Variants in RORA observed in about 807,000 individuals in gnomAD.
The protein encoded by RORA is RAR related orphan receptor A, also known as nuclear receptor ROR-alpha.
A neutral mutation model predicts 69.5 loss-of-function variants in RORA; 7 were observed. The observed-to-expected ratio is 0.10, with a 90% CI of 0.06 to 0.19. The LOEUF (loss-of-function observed/expected upper bound fraction) is 0.19. RORA is among the 10% of genes least tolerant of loss of function. The pLI is 1.00. For synonymous variants in RORA, 261 were observed against 240.8 expected (o/e 1.08, Z -0.78); for missense variants, 457 against 663.0 (o/e 0.69, Z 3.41).
intron 1 of RORA, among the ~76,000 whole-genome samples, chr15:61,170,200 C>T (rs537606512): frequency 1.3e-5 from 2 of 151,666 alleles, no homozygotes; most frequent in African/African-American, 4.9e-5. Flanking sequence ...CACAAATCTA[C>T]TAACTGTTCT....
At chr15:60,941,100 C>T (rs1157497154) in intron 1 of RORA, among the ~76,000 whole-genome samples, 2 of 152,182 alleles carry the variant, frequency 1.3e-5, no homozygotes, top group African/African-American at 4.8e-5. Context: ...AATGAGCCAA[C>T]TTTGTGAACC....
chr15:60,588,051 T>C (rs766908459), intron 2 of RORA, among the ~76,000 whole-genome samples: 11 of 152,180 alleles, frequency 7.2e-5, no homozygotes, highest in African/African-American at 1.7e-4. Context: ...TTATCTTCAG[T>C]AGAATAGCTA....
At chr15:61,126,914 G>A (rs1380479823) in intron 1 of RORA, among the ~76,000 whole-genome samples, 3 of 152,182 alleles carry the variant, frequency 2.0e-5, no homozygotes, top group Non-Finnish European at 2.9e-5. Flanking sequence ...AAACAACACT[G>A]CATGCATTTT....
chr15:61,065,452 T>C (rs1277292165), intron 1 of RORA, among the ~76,000 whole-genome samples: 1 of 152,200 alleles, frequency 6.6e-6, no homozygotes, highest in Admixed American at 6.5e-5. Context: ...CACTTCATGA[T>C]GCTTCTATTT....
intron 1 of RORA, among the ~76,000 whole-genome samples, chr15:60,694,442 A>T (rs2140780017): frequency 6.6e-6 from 1 of 152,226 alleles, no homozygotes; most frequent in African/African-American, 2.4e-5. Context: ...TCTTTCACCA[A>T]TAGGCTCTCC....
At chr15:60,747,544 C>A (rs957627313) in intron 1 of RORA, among the ~76,000 whole-genome samples, 1 of 152,204 alleles carries the variant, frequency 6.6e-6, no homozygotes, top group Non-Finnish European at 1.5e-5. Context: ...ATGCTCCAAT[C>A]ACCTGCCAGA....
At position 60,494,748 on chromosome 15, in the gene RORA, C is replaced by T. The variant is rs1457444099; in HGVS notation, c.*2707G>A. 2 of 152,296 alleles carry T rather than the reference C, an allele frequency of 1.3e-5. No homozygotes were observed. Among genetic ancestry groups the T allele is most frequent in the East Asian group, 1.9e-4 (1 of 5,188 alleles). 9.4% of individuals were successfully genotyped at this position (152,296 alleles called of 1,614,324 possible). A position where few individuals can be genotyped will look rare whatever the true frequency, so the allele number is the denominator to read the frequency against. ...ACCGCTGCTTTTCTTTCAGAAACAC[C>T]TGGGAAGAAGCATCATATTACCTAT... is the stretch of plus-strand genomic sequence containing the variant. On this transcript the variant is annotated 3_prime_UTR_variant, in exon 11 of 11. Transcript: ENST00000335670.
chr15:61,140,368 G>C (rs192717545), intron 1 of RORA, among the ~76,000 whole-genome samples: 102 of 152,280 alleles, frequency 6.7e-4, no homozygotes, highest in African/African-American at 2.3e-3. Flanking sequence ...CTGTAGGTGT[G>C]CTTGATTAAT....
chr15:60,890,906 TG>T (rs2073806418), intron 1 of RORA, among the ~76,000 whole-genome samples: 1 of 152,178 alleles, frequency 6.6e-6, no homozygotes, highest in Non-Finnish European at 1.5e-5. Context: ...CTCTCTGAAG[TG>T]CCCAATAGTG....
intron 1 of RORA, among the ~76,000 whole-genome samples, chr15:60,876,103 T>A (rs1247454177): frequency 6.6e-6 from 1 of 152,162 alleles, no homozygotes; most frequent in Non-Finnish European, 1.5e-5. Flanking sequence ...CACACCCTCC[T>A]GAAGTCCCAC....
intron 1 of RORA, among the ~76,000 whole-genome samples, chr15:60,717,188 A>T (rs1352324809): frequency 6.6e-6 from 1 of 152,176 alleles, no homozygotes; most frequent in East Asian, 1.9e-4. Context: ...GGTGTGTGGG[A>T]AAAACTCCCA....
At chr15:60,772,158 T>C (rs1418462431) in intron 1 of RORA, among the ~76,000 whole-genome samples, 1 of 152,150 alleles carries the variant, frequency 6.6e-6, no homozygotes, top group Non-Finnish European at 1.5e-5. Flanking sequence ...GCTGTACCCA[T>C]CAACTCGTCA....
At chr15:60,718,128 G>A (rs1230772465) in intron 1 of RORA, among the ~76,000 whole-genome samples, 1 of 152,172 alleles carries the variant, frequency 6.6e-6, no homozygotes, top group African/African-American at 2.4e-5. Context: ...CTTCGTAACA[G>A]CAAAGTTATG....
chr15:61,099,981 A>T (rs888199930), intron 1 of RORA, among the ~76,000 whole-genome samples: 1 of 152,186 alleles, frequency 6.6e-6, no homozygotes, highest in Admixed American at 6.5e-5. Context: ...ATTTAAAAAG[A>T]AGGAAACAAG....
chr15:60,657,338 C>T (rs749791257), intron 2 of RORA, among the ~76,000 whole-genome samples: 1 of 152,102 alleles, frequency 6.6e-6, no homozygotes, highest in Non-Finnish European at 1.5e-5. Context: ...ACCCCCCTGC[C>T]CCACCCCCTG....
At chr15:60,755,053 A>G (rs772129779) in intron 1 of RORA, among the ~76,000 whole-genome samples, 81 of 150,334 alleles carry the variant, frequency 5.4e-4, no homozygotes, top group Non-Finnish European at 1.0e-3. Context: ...TTACATATGT[A>G]TACATGTGCC....
Position 60,714,344 on chromosome 15 carries a change from C to A in RORA, c.167-35658G>T, listed in dbSNP as rs146906119. ...AAAGTGCTGGGATTACAGGCGTGAG[C>A]CACCGCATCTGGCCAATTCTTTTTA... On this transcript the variant is annotated intron_variant, in intron 1 of 10. Transcript: ENST00000335670. Among the ~76,000 whole-genome samples, 651 of 151,934 alleles carry A rather than the reference C, an allele frequency of 4.3e-3. 4 individuals carry two copies. Among genetic ancestry groups the A allele is most frequent in the African/African-American group, 0.015 (631 of 41,462 alleles).
At chr15:60,575,925 G>A (rs905315384) in intron 2 of RORA, among the ~76,000 whole-genome samples, 1 of 152,238 alleles carries the variant, frequency 6.6e-6, no homozygotes, top group Admixed American at 6.5e-5. Flanking sequence ...GAATGGGCAT[G>A]TAGTTATTTC....
At chr15:60,914,975 A>G (rs1334255132) in intron 1 of RORA, among the ~76,000 whole-genome samples, 1 of 152,220 alleles carries the variant, frequency 6.6e-6, no homozygotes. Context: ...GGTACTCACA[A>G]GAAATCCTAC....
Sources: allele counts gnomAD v4.1 joint callset (sites outside exome capture counted in the v4.1 genomes callset), GRCh38; gene constraint gnomAD v4.1.1; transcripts MANE v1.5; gene names NCBI Gene and HGNC (gene_info 2026-07-23, HGNC 2026-07-21).